ACSL6: variants seen among roughly 807,000 people sequenced by gnomAD.
The protein encoded by ACSL6 is long-chain-fatty-acid--CoA ligase 6.
ACSL6 carries 47 observed loss-of-function variants against 98.2 expected under a neutral mutation model. That is an observed-to-expected ratio of 0.48 (90% CI 0.38 to 0.61). ACSL6 has a LOEUF of 0.61. ACSL6 is among the 20% of genes least tolerant of loss of function. ACSL6 has a pLI of 0.00. For synonymous variants in ACSL6, 362 were observed against 336.9 expected (o/e 1.07, Z -0.82); for missense variants, 761 against 913.4 (o/e 0.83, Z 2.15).
At chr5:132,002,700 T>A (rs1013784514) in intron 1 of ACSL6, among the ~76,000 whole-genome samples, 2 of 151,990 alleles carry the variant, frequency 1.3e-5, no homozygotes, top group African/African-American at 2.4e-5. Flanking sequence ...AACAGGGCTA[T>A]CGAAGAGGGA....
intron 1 of ACSL6, among the ~76,000 whole-genome samples, chr5:132,007,390 T>C (rs1755467665): frequency 6.6e-6 from 1 of 152,252 alleles, no homozygotes; most frequent in African/African-American, 2.4e-5. Flanking sequence ...CCTTTTCTTT[T>C]CCTACTCCCT....
chr5:131,963,595 C>A (rs975387865), intron 17 of ACSL6, among the ~76,000 whole-genome samples: 2 of 152,210 alleles, frequency 1.3e-5, no homozygotes, highest in Non-Finnish European at 2.9e-5. Flanking sequence ...AACCCCAAAC[C>A]TGGAGATGAC....
At chr5:131,965,571 A>C (rs531610654) in intron 17 of ACSL6, among the ~76,000 whole-genome samples, 2 of 152,078 alleles carry the variant, frequency 1.3e-5, no homozygotes, top group South Asian at 4.2e-4. Context: ...AATACAAAAA[A>C]GTTAGCCAGA....
intron 18 of ACSL6, chr5:131,960,859 A>G: frequency 7.8e-6 from 3 of 384,904 alleles, no homozygotes; most frequent in Non-Finnish European, 1.4e-5. Context: ...AGTTAGACTG[A>G]TATGCACCTT....
chr5:132,004,219 C>CTTT (rs1038116980), intron 1 of ACSL6, among the ~76,000 whole-genome samples: 2 of 138,980 alleles, frequency 1.4e-5, no homozygotes, highest in South Asian at 2.3e-4. Context: ...GGCTTCTATC[C>CTTT]TTTTTTTTTT....
At chr5:131,971,349 G>C (rs1290940911) in intron 14 of ACSL6, among the ~76,000 whole-genome samples, 1 of 152,150 alleles carries the variant, frequency 6.6e-6, no homozygotes, top group Non-Finnish European at 1.5e-5. Context: ...TCCCAGAGTG[G>C]ATAAACCTGG....
chr5:131,982,867 A>G (rs1270114949), intron 9 of ACSL6: 4 of 152,196 alleles, frequency 2.6e-5, no homozygotes, highest in African/African-American at 4.8e-5. Context: ...TGACCGCATC[A>G]TATTGTAACT....
At chr5:131,986,443 C>T (rs1045340307) in intron 8 of ACSL6, among the ~76,000 whole-genome samples, 5 of 152,220 alleles carry the variant, frequency 3.3e-5, no homozygotes, top group Admixed American at 6.5e-5. Flanking sequence ...TGAACAAAGA[C>T]AGCAGATGCC....
At chr5:131,983,262 A>G (rs1375085294) in intron 9 of ACSL6, 1 of 151,952 alleles carries the variant, frequency 6.6e-6, no homozygotes, top group African/African-American at 2.4e-5. Flanking sequence ...CCACATGCCC[A>G]CCCCTCAGCC....
intron 1 of ACSL6, among the ~76,000 whole-genome samples, chr5:132,010,951 A>G (rs1027643518): frequency 4.6e-5 from 7 of 152,190 alleles, no homozygotes; most frequent in Admixed American, 2.0e-4. Context: ...GTGGAGACAC[A>G]GCAGCCCTGG....
At position 131,973,386 on chromosome 5, in the gene ACSL6, G is replaced by A. The variant is rs750059037; in HGVS notation, c.1083C>T (p.Cys361=). 3 of 1,614,034 alleles carry A rather than the reference G, an allele frequency of 1.9e-6. No individual in the cohort carries two copies. The highest frequency in any genetic ancestry group is 4.5e-5 in the East Asian group (2 of 44,880). The stretch of plus-strand genomic sequence containing the variant: ...GGAAGAAGCCAACACGCCCTCCGTG[G>A]CAATAGACGACAGACTAGAAAGACA... ...FERVIQSVVY[C]HGGRVGFFQG... The change falls in exon 12 of 21, where the codon TGC becomes TGT. Residue 361 remains cysteine, a synonymous_variant. Coordinates refer to ENST00000651883, the MANE Select transcript of ACSL6 (RefSeq NM_001009185.3).
chr5:131,982,973 G>A (rs1753983044), intron 9 of ACSL6: 1 of 152,168 alleles, frequency 6.6e-6, no homozygotes, highest in African/African-American at 2.4e-5. Context: ...TGCATAGTGG[G>A]TACTCACAAA....
At chr5:132,009,070 G>C (rs1281568779) in intron 1 of ACSL6, among the ~76,000 whole-genome samples, 2 of 152,228 alleles carry the variant, frequency 1.3e-5, no homozygotes, top group Non-Finnish European at 2.9e-5. Context: ...TCAACACACA[G>C]GTGAGATCTG....
intron 4 of ACSL6, 89 bp downstream of exon 4, chr5:131,990,011 A>T: frequency 7.3e-7 from 1 of 1,374,072 alleles, no homozygotes; most frequent in South Asian, 1.3e-5. Context: ...ACCCTCTGAG[A>T]CCCAGCAGGT....
chr5:131,957,210 GA>G (rs1406940021), intron 20 of ACSL6, among the ~76,000 whole-genome samples: 1 of 152,170 alleles, frequency 6.6e-6, no homozygotes, highest in African/African-American at 2.4e-5. Context: ...ATGAGTTAGG[GA>G]AATGCTCATT....
intron 17 of ACSL6, among the ~76,000 whole-genome samples, chr5:131,964,493 G>A (rs1025635365): frequency 6.6e-6 from 1 of 152,230 alleles, no homozygotes; most frequent in Admixed American, 6.5e-5. Context: ...AACACTAAGT[G>A]CTTTACATGA....
At chr5:131,979,260 G>T (rs1433428015) in intron 9 of ACSL6, among the ~76,000 whole-genome samples, 1 of 152,128 alleles carries the variant, frequency 6.6e-6, no homozygotes, top group Non-Finnish European at 1.5e-5. Flanking sequence ...CTTAGGATCT[G>T]GAAGTTTCTA....
chr5:131,976,733 A>G lies in ACSL6; in HGVS notation c.917-12T>C, dbSNP rs752895174. On this transcript the variant is annotated splice_polypyrimidine_tract_variant and intron_variant, in intron 9 of 20. Transcript: ENST00000651883. ...ACCTTTTGGGTTCCCTATAAAAAGA[A>G]AGCAAGAAGTCAAATTAGTTGGAAA... 1.6e-5 allele frequency: 26 copies of G among 1,613,532 alleles called. No homozygotes were observed. The highest frequency in any genetic ancestry group is 2.2e-5 in the Non-Finnish European group (26 of 1,179,584).
intron 2 of ACSL6, among the ~76,000 whole-genome samples, chr5:131,992,603 C>T (rs1030184907): frequency 1.3e-5 from 2 of 152,208 alleles, no homozygotes; most frequent in African/African-American, 4.8e-5. Flanking sequence ...GAGCCAGGGT[C>T]ATCCCTCTCA....
Sources: gnomAD v4.1 joint callset for allele counts (sites outside exome capture counted in the v4.1 genomes callset) on GRCh38, gnomAD v4.1.1 for gene constraint, MANE v1.5 for transcripts, NCBI Gene and HGNC (gene_info 2026-07-23, HGNC 2026-07-21) for gene names.